CSMD2: variants seen among roughly 807,000 people sequenced by gnomAD.
The protein encoded by CSMD2 is CUB and sushi domain-containing protein 2.
Under a neutral mutation model 398.5 loss-of-function variants are expected in CSMD2, and 130 were observed. That is an observed-to-expected ratio of 0.33 (90% confidence interval 0.28 to 0.38). The LOEUF is 0.38. Among genes scored for constraint, CSMD2 ranks in the 10% least tolerant of loss-of-function variants. The probability of loss-of-function intolerance (pLI) is 1.00; values close to 1 mark genes in which losing one functional copy is unlikely to be tolerated. For missense variants in CSMD2, 3,829 were observed against 4,764.9 expected, an observed-to-expected ratio of 0.80 and a Z score of 5.78; for synonymous variants, 1,828 against 1,908.5, an observed-to-expected ratio of 0.96 and a Z score of 1.10.
chr1:33,577,240 C>G (rs1638331681), intron 49 of CSMD2, 56 bp downstream of exon 49: 5 of 1,506,246 alleles, frequency 3.3e-6, no homozygotes, highest in Non-Finnish European at 4.5e-6. Flanking sequence ...GGGACAAACC[C>G]AAGATATGAG....
chr1:34,117,144 GC>G (rs1460984685), intron 1 of CSMD2, among the ~76,000 whole-genome samples: 16 of 151,936 alleles, frequency 1.1e-4, no homozygotes, highest in East Asian at 3.9e-4. Flanking sequence ...AAAGATTAGA[GC>G]AAAAACAAAG....
At chr1:33,613,829 T>C (rs930753501) in intron 40 of CSMD2, among the ~76,000 whole-genome samples, 1 of 152,166 alleles carries the variant, frequency 6.6e-6, no homozygotes, top group Non-Finnish European at 1.5e-5. Context: ...TTGGGTTAAA[T>C]GATATTCCCA....
At chr1:33,602,314 T>C in intron 43 of CSMD2, 55 bp downstream of exon 43, 1 of 1,588,274 alleles carries the variant, frequency 6.3e-7, no homozygotes, top group Non-Finnish European at 8.6e-7. Context: ...TAACCCAGTG[T>C]AGAACCCCAG....
At position 33,688,960 on chromosome 1, in the gene CSMD2, C is replaced by T. The variant is rs1419505538; in HGVS notation, c.4052+3970G>A. 2.0e-5 allele frequency among the ~76,000 whole-genome samples: 3 copies of T among 151,714 alleles called. No homozygotes were observed. In the East Asian group the frequency reaches 5.8e-4, roughly 29 times the overall value. On this transcript the variant is annotated intron_variant, in intron 25 of 70. Coordinates refer to ENST00000373381, the MANE Select transcript of CSMD2 (RefSeq NM_001281956.2). The stretch of plus-strand genomic sequence containing the variant: ...TAATTATGAGTGTGAGTTATCCTAA[C>T]TTTGCTGCTGGTTATTCAAGACAGG...
At chr1:33,958,280 G>A (rs1017280403) in intron 3 of CSMD2, among the ~76,000 whole-genome samples, 2 of 152,112 alleles carry the variant, frequency 1.3e-5, no homozygotes, top group Admixed American at 1.3e-4. Context: ...CTATCACATA[G>A]CATTGTTCTG....
At chr1:33,662,317 C>G (rs1246473504) in intron 26 of CSMD2, among the ~76,000 whole-genome samples, 1 of 152,176 alleles carries the variant, frequency 6.6e-6, no homozygotes, top group Admixed American at 6.5e-5. Flanking sequence ...ATGCCCCAAG[C>G]CACCGTCTAC....
intron 13 of CSMD2, among the ~76,000 whole-genome samples, 157 bp from the exon 14 acceptor site, chr1:33,743,763 T>C (rs1029115814): frequency 3.3e-5 from 5 of 152,042 alleles, no homozygotes; most frequent in Non-Finnish European, 7.4e-5. Context: ...GAGCTCCAGG[T>C]GGGGAGACAT....
intron 55 of CSMD2, 75 bp downstream of exon 55, chr1:33,557,658 AC>A: frequency 3.5e-5 from 43 of 1,226,330 alleles, no homozygotes; most frequent in East Asian, 5.1e-5. Context: ...ACACACACAC[AC>A]ATGCACAGAG....
chr1:33,961,500 G>A (rs1436025119), intron 3 of CSMD2, among the ~76,000 whole-genome samples: 1 of 152,242 alleles, frequency 6.6e-6, no homozygotes, highest in African/African-American at 2.4e-5. Context: ...TCTGGAATCA[G>A]ATAGGCCTGG....
At chr1:33,585,740 G>A (rs1639040055) in intron 46 of CSMD2, among the ~76,000 whole-genome samples, 1 of 152,160 alleles carries the variant, frequency 6.6e-6, no homozygotes, top group Admixed American at 6.5e-5. Flanking sequence ...CAGAAGTGGG[G>A]GAAAGGCTGA....
chr1:33,724,734 A>T (rs767949132), intron 17 of CSMD2, 30 bp from the exon 18 acceptor site: 5 of 1,599,826 alleles, frequency 3.1e-6, no homozygotes, highest in Non-Finnish European at 8.6e-7. Context: ...GCTGGGACAG[A>T]CAGCTTACTG....
intron 17 of CSMD2, among the ~76,000 whole-genome samples, chr1:33,724,973 T>C (rs766431209): frequency 5.8e-4 from 89 of 152,176 alleles, no homozygotes; most frequent in Non-Finnish European, 1.1e-3. Context: ...ACAATGATCC[T>C]TTAAATCGAG....
intron 15 of CSMD2, among the ~76,000 whole-genome samples, chr1:33,734,077 C>G (rs1646806105): frequency 6.6e-6 from 1 of 152,202 alleles, no homozygotes; most frequent in Non-Finnish European, 1.5e-5. Context: ...AATGCAGTAA[C>G]TACCCTTATA....
At chr1:33,553,164 G>GT (rs11374390) in intron 55 of CSMD2, among the ~76,000 whole-genome samples, 25,103 of 151,906 alleles carry the variant, frequency 0.17, 2,585 homozygotes, top group East Asian at 0.35. Flanking sequence ...TACAGATGTT[G>GT]TTTTTTTTAC....
At chr1:33,546,729 CTTTT>C (rs397782525) in intron 56 of CSMD2, among the ~76,000 whole-genome samples, 1 of 147,326 alleles carries the variant, frequency 6.8e-6, no homozygotes, top group Non-Finnish European at 1.5e-5. Context: ...ACCATCTGAC[CTTTT>C]TTTTTTTCAA....
Position 33,806,341 on chromosome 1 carries a change from TG to T in CSMD2, c.1446+4401del, listed in dbSNP as rs539451041. On this transcript the variant is annotated intron_variant, in intron 10 of 70. Coordinates refer to ENST00000373381, the MANE Select transcript of CSMD2 (RefSeq NM_001281956.2). ...ATGGGTTTGCAGCCTTCATATTACT[TG>T]GGTGGTTTGAAACCTCCATACTGAG... Among the ~76,000 whole-genome samples, 53 of 152,290 alleles carry T rather than the reference TG, an allele frequency of 3.5e-4. 1 individual carries two copies. In the South Asian group the frequency reaches 0.011, roughly 31 times the overall value.
intron 12 of CSMD2, among the ~76,000 whole-genome samples, chr1:33,777,125 C>A (rs557296735): frequency 6.6e-6 from 1 of 152,230 alleles, no homozygotes; most frequent in African/African-American, 2.4e-5. Flanking sequence ...AGCAAGCATA[C>A]GAGCCCCTCT....
At chr1:34,059,645 T>G (rs974948842) in intron 2 of CSMD2, among the ~76,000 whole-genome samples, 1 of 152,168 alleles carries the variant, frequency 6.6e-6, no homozygotes, top group Non-Finnish European at 1.5e-5. Context: ...CCCAGTATAA[T>G]TAACATATTA....
At chr1:34,082,771 C>T (rs971871778) in intron 2 of CSMD2, among the ~76,000 whole-genome samples, 3 of 152,030 alleles carry the variant, frequency 2.0e-5, no homozygotes, top group Admixed American at 2.0e-4. Flanking sequence ...AACCTTACCC[C>T]CAACCCCGTG....
Sources: gnomAD v4.1 joint callset for allele counts (sites outside exome capture counted in the v4.1 genomes callset) on GRCh38, gnomAD v4.1.1 for gene constraint, MANE v1.5 for transcripts, NCBI Gene and HGNC (gene_info 2026-07-23, HGNC 2026-07-21) for gene names.